Variants in SLC25A30 observed in about 807,000 individuals in gnomAD.
The protein encoded by SLC25A30 is kidney mitochondrial carrier protein 1.
SLC25A30 carries 29 observed loss-of-function variants against 42.7 expected under a neutral mutation model. That is an observed-to-expected ratio of 0.68 (90% CI 0.51 to 0.93). The LOEUF is 0.93. SLC25A30 is among the 40% of genes least tolerant of loss of function. The pLI, the probability that SLC25A30 is intolerant of heterozygous loss-of-function variation, is 0.00. For synonymous variants in SLC25A30, 124 were observed against 131.0 expected (o/e 0.95, Z 0.37); for missense variants, 300 against 359.7 (o/e 0.83, Z 1.34).
At chr13:45,424,626 T>G in the SLC25A30 span, among the ~76,000 whole-genome samples, 5,651 of 57,460 alleles carry the variant, frequency 0.098, 1,062 homozygotes, top group African/African-American at 0.25. Flanking sequence ...TAAATATATA[T>G]AAATATGTAT....
rs952491935 is a variant in SLC25A30, at chr13:45,398,945, A to G, written c.748T>C (p.Leu250=). ...AGACAGACATCTGCTCTTACCTGTA[A>G]CAAGCAATCCAGGGTTCCTGTGTAG... ...SGYTGTLDCL[L]QTWKNEGFFA... Residue 250 remains leucine (L), a synonymous_variant, in exon 8 of 10, where the codon TTA becomes CTA. Coordinates refer to ENST00000519676, the MANE Select transcript of SLC25A30 (RefSeq NM_001010875.4). The G allele has an allele frequency of 1.2e-6, 2 of 1,614,034 alleles. No homozygotes were observed. The highest frequency in any genetic ancestry group is 1.7e-6 in the Non-Finnish European group (2 of 1,179,980).
At chr13:45,398,913 C>T (rs1881639371) in intron 8 of SLC25A30, 27 bp downstream of exon 8, 1 of 1,605,918 alleles carries the variant, frequency 6.2e-7, no homozygotes, top group Non-Finnish European at 8.5e-7. Flanking sequence ...AATTCACAAC[C>T]CTGCAGAGAC....
the SLC25A30 span, among the ~76,000 whole-genome samples, chr13:45,425,836 G>T: frequency 6.9e-6 from 1 of 145,944 alleles, no homozygotes; most frequent in Non-Finnish European, 1.5e-5. Flanking sequence ...GGGATTACAG[G>T]TGCCCGCCAG....
At position 45,394,839 on chromosome 13, in the gene SLC25A30, CAAACT is replaced by C. The variant is rs1244446601; in HGVS notation, c.*1130_*1134del. The C allele has an allele frequency of 1.3e-5, 13 of 985,220 alleles. No homozygotes were observed. The highest frequency in any genetic ancestry group is 1.6e-5 in the Non-Finnish European group (13 of 829,918). The allele number at this position is 985,220 out of a possible 1,614,324, so 61.0% of individuals were successfully genotyped here. On this transcript the variant is annotated 3_prime_UTR_variant, in exon 10 of 10. Coordinates refer to ENST00000519676, the MANE Select transcript of SLC25A30 (RefSeq NM_001010875.4). ...AAATTTCAAGCAGGTATTTTCCATC[CAAACT>C]AAACAGAAAGTCCAAGACAGGCACA...
chr13:45,423,553 TA>T, the SLC25A30 span, among the ~76,000 whole-genome samples: 9,899 of 60,928 alleles, frequency 0.16, 1,092 homozygotes, highest in African/African-American at 0.22. Context: ...TATAAATACA[TA>T]AAAAAAATAT....
chr13:45,411,580 CA>C, intron 1 of SLC25A30, 100 bp from the exon 2 acceptor site: 2 of 716,098 alleles, frequency 2.8e-6, no homozygotes, highest in Admixed American at 2.2e-5. Context: ...GTGCTATCAC[CA>C]AAACCCCTGC....
chr13:45,423,755 T>TATAAATATAA, the SLC25A30 span, among the ~76,000 whole-genome samples: 1 of 81,738 alleles, frequency 1.2e-5, no homozygotes, highest in African/African-American at 5.4e-5. Flanking sequence ...TATAAATATA[T>TATAAATATAA]ATAAATATAT....
intron 8 of SLC25A30, 122 bp downstream of exon 8, chr13:45,398,818 G>T: frequency 9.3e-7 from 1 of 1,071,414 alleles, no homozygotes; most frequent in Non-Finnish European, 1.3e-6. Flanking sequence ...TCTCACACAT[G>T]TACATCTCTG....
chr13:45,393,911 CT>C lies in SLC25A30; in HGVS notation c.*2062del. 2 of 985,264 alleles carry C rather than the reference CT, an allele frequency of 2.0e-6. No individual in the cohort carries two copies. The highest frequency in any genetic ancestry group is 9.4e-5 in the South Asian group (2 of 21,282). The allele number at this position is 985,264 out of a possible 1,614,324, so 61.0% of individuals were successfully genotyped here. A position where few individuals can be genotyped will look rare whatever the true frequency, so the allele number is the denominator to read the frequency against. ...GTAATAATACTGTCTGACATTCGCTCTTTACATGGTCATTAAAATGAATTTG... is the reference window on the plus strand; with the variant it reads ...GTAATAATACTGTCTGACATTCGCTCTTACATGGTCATTAAAATGAATTTG... On this transcript the variant is annotated 3_prime_UTR_variant, in exon 10 of 10. Transcript: ENST00000519676.
the SLC25A30 span, among the ~76,000 whole-genome samples, chr13:45,430,703 AG>A: frequency 6.6e-6 from 1 of 152,128 alleles, no homozygotes; most frequent in Non-Finnish European, 1.5e-5. Context: ...GCCACTTGGG[AG>A]GCTGAGGTGG....
At chr13:45,423,795 T>C in the SLC25A30 span, among the ~76,000 whole-genome samples, 1 of 64,366 alleles carries the variant, frequency 1.6e-5, no homozygotes, top group Non-Finnish European at 2.7e-5. Context: ...AATATATAAA[T>C]ATATATTTAT....
intron 4 of SLC25A30, among the ~76,000 whole-genome samples, chr13:45,405,532 AT>A (rs992255613): frequency 9.8e-5 from 15 of 152,368 alleles, no homozygotes; most frequent in African/African-American, 3.6e-4. Flanking sequence ...TGTTGTTAAT[AT>A]TAAGAAATGT....
chr13:45,424,815 TAAATATATAAAAATATATATATAA>T, the SLC25A30 span, among the ~76,000 whole-genome samples: 1 of 58,588 alleles, frequency 1.7e-5, no homozygotes, highest in African/African-American at 6.7e-5. Flanking sequence ...TAAAAAAATA[TAAATATATAAAAATATATATATAA>T]AAATATATAT....
At chr13:45,425,839 C>T in the SLC25A30 span, among the ~76,000 whole-genome samples, 1 of 144,928 alleles carries the variant, frequency 6.9e-6, no homozygotes, top group Admixed American at 7.2e-5. Flanking sequence ...ATTACAGGTG[C>T]CCGCCAGCAT....
At chr13:45,424,084 T>A in the SLC25A30 span, among the ~76,000 whole-genome samples, 668 of 97,734 alleles carry the variant, frequency 6.8e-3, 7 homozygotes, top group Middle Eastern at 0.013. Context: ...TATAAATATA[T>A]ATAAATCTAT....
At chr13:45,425,072 A>ATATATAAATATATG in the SLC25A30 span, among the ~76,000 whole-genome samples, 5 of 66,844 alleles carry the variant, frequency 7.5e-5, no homozygotes, top group Non-Finnish European at 8.0e-5. Context: ...GTATATATAC[A>ATATATAAATATATG]TATATATAAA....
chr13:45,408,009 T>C (rs1882675546), intron 3 of SLC25A30, among the ~76,000 whole-genome samples: 1 of 152,210 alleles, frequency 6.6e-6, no homozygotes, highest in African/African-American at 2.4e-5. Flanking sequence ...ATTCTTTCTC[T>C]CCATGGCAGG....
the SLC25A30 span, among the ~76,000 whole-genome samples, chr13:45,424,552 AAT>A: frequency 2.5e-4 from 9 of 35,306 alleles, 2 homozygotes; most frequent in African/African-American, 1.1e-3. Context: ...TAAATATATA[AAT>A]ATATATAAAT....
At chr13:45,427,568 A>G in the SLC25A30 span, among the ~76,000 whole-genome samples, 1 of 152,064 alleles carries the variant, frequency 6.6e-6, no homozygotes, top group African/African-American at 2.4e-5. Flanking sequence ...CAAGAAGAGG[A>G]TATATAATCA....
Sources: allele counts gnomAD v4.1 joint callset (sites outside exome capture counted in the v4.1 genomes callset), GRCh38; gene constraint gnomAD v4.1.1; transcripts MANE v1.5; gene names NCBI Gene and HGNC (gene_info 2026-07-23, HGNC 2026-07-21).